WDR89: variants seen among roughly 807,000 people sequenced by gnomAD.
WDR89 encodes WD repeat-containing protein 89.
Under a neutral mutation model 29.1 loss-of-function variants are expected in WDR89, and 17 were observed. The ratio of observed to expected loss-of-function variants is 0.58; its 90% CI spans 0.40 to 0.88. The LOEUF is 0.88. WDR89 is among the 40% of genes least tolerant of loss of function. The pLI is 0.00. For synonymous variants in WDR89, 138 were observed against 157.8 expected, an observed-to-expected ratio of 0.87 and a Z score of 0.94; for missense variants, 396 against 456.3, an observed-to-expected ratio of 0.87 and a Z score of 1.20.
chr14:63,600,355 G>A (rs967830036), intron 2 of WDR89, among the ~76,000 whole-genome samples: 2 of 152,074 alleles, frequency 1.3e-5, no homozygotes, highest in African/African-American at 4.8e-5. Context: ...AATTAGCAGG[G>A]CATGGTGGCC....
chr14:63,639,807 A>C (rs1358056781), intron 1 of WDR89, among the ~76,000 whole-genome samples: 2 of 152,202 alleles, frequency 1.3e-5, no homozygotes, highest in African/African-American at 2.4e-5. Flanking sequence ...TCATGACTTT[A>C]GTACAAAAGT....
intron 2 of WDR89, among the ~76,000 whole-genome samples, chr14:63,624,511 TA>T (rs34839242): frequency 0.14 from 19,752 of 136,682 alleles, 3,267 homozygotes; most frequent in African/African-American, 0.42. Context: ...AAGAAATATT[TA>T]AAAAAAAAAA....
At chr14:63,601,509 A>G in intron 2 of WDR89, 1 of 1,438,984 alleles carries the variant, frequency 6.9e-7, no homozygotes, top group South Asian at 1.1e-5. Context: ...GGAGGGAGTC[A>G]TGGCAGGACA....
chr14:63,601,166 C>T (rs1444667992), intron 2 of WDR89, among the ~76,000 whole-genome samples: 2 of 152,034 alleles, frequency 1.3e-5, no homozygotes, highest in African/African-American at 4.8e-5. Context: ...TTCAGACCTC[C>T]AGAACCGTTA....
At chr14:63,620,105 T>C (rs1034748175) in intron 2 of WDR89, among the ~76,000 whole-genome samples, 7 of 151,650 alleles carry the variant, frequency 4.6e-5, no homozygotes, top group African/African-American at 1.5e-4. Context: ...AGCTAAGATA[T>C]AGAATCAATC....
intron 1 of WDR89, among the ~76,000 whole-genome samples, chr14:63,634,319 C>T (rs1013931060): frequency 3.3e-5 from 5 of 152,086 alleles, no homozygotes; most frequent in Non-Finnish European, 4.4e-5. Flanking sequence ...GTCAGGAGCT[C>T]GTTACCAGCC....
chr14:63,613,280 C>A (rs1190996982), intron 2 of WDR89, among the ~76,000 whole-genome samples: 5 of 152,132 alleles, frequency 3.3e-5, no homozygotes, highest in Admixed American at 2.6e-4. Flanking sequence ...TCCAAATCTG[C>A]TTGCAGAGGT....
intron 2 of WDR89, among the ~76,000 whole-genome samples, chr14:63,613,537 T>C (rs1389273627): frequency 1.3e-5 from 2 of 150,010 alleles, no homozygotes; most frequent in African/African-American, 4.9e-5. Flanking sequence ...AGAGTCTCAC[T>C]CCGTTGCCCA....
intron 1 of WDR89, among the ~76,000 whole-genome samples, chr14:63,638,022 T>C (rs990300336): frequency 6.6e-6 from 1 of 152,076 alleles, no homozygotes; most frequent in African/African-American, 2.4e-5. Flanking sequence ...CTTGGCTCAC[T>C]GCAACCTCCG....
At chr14:63,631,598 T>C (rs1883409172) in intron 1 of WDR89, among the ~76,000 whole-genome samples, 2 of 152,084 alleles carry the variant, frequency 1.3e-5, no homozygotes, top group Admixed American at 1.3e-4. Flanking sequence ...CTCAGGCTGT[T>C]CCTGAACTCC....
chr14:63,635,490 A>G (rs1050986180), intron 1 of WDR89, among the ~76,000 whole-genome samples: 1 of 152,204 alleles, frequency 6.6e-6, no homozygotes, highest in Admixed American at 6.5e-5. Context: ...AATGTAATAA[A>G]AACCATCTAT....
At chr14:63,605,679 C>T (rs368888300) in intron 2 of WDR89, among the ~76,000 whole-genome samples, 4 of 152,034 alleles carry the variant, frequency 2.6e-5, no homozygotes, top group East Asian at 1.9e-4. Flanking sequence ...AGGCTGATCT[C>T]GAACTCCTGA....
chr14:63,635,307 T>C (rs1883657859), intron 1 of WDR89, among the ~76,000 whole-genome samples: 1 of 152,168 alleles, frequency 6.6e-6, no homozygotes, highest in South Asian at 2.1e-4. Flanking sequence ...ATACCAGGAA[T>C]GCAGGGATGG....
intron 1 of WDR89, among the ~76,000 whole-genome samples, chr14:63,637,803 G>A (rs951110902): frequency 2.0e-5 from 3 of 152,020 alleles, no homozygotes; most frequent in Non-Finnish European, 4.4e-5. Context: ...GGACTTGGCC[G>A]GGGGAGGGGG....
At chr14:63,602,389 TGAGGTA>T in intron 2 of WDR89, among the ~76,000 whole-genome samples, 1 of 144,516 alleles carries the variant, frequency 6.9e-6, no homozygotes, top group Admixed American at 7.3e-5. Context: ...GAGAACTGCT[TGAGGTA>T]GAGGTTGCAA....
At chr14:63,602,474 A>AAAAT (rs1895115148) in intron 2 of WDR89, among the ~76,000 whole-genome samples, 1 of 150,544 alleles carries the variant, frequency 6.6e-6, no homozygotes. Context: ...AAAAAAAAAA[A>AAAAT]AAAAAAAAAA....
chr14:63,599,312 T>C lies in WDR89; in HGVS notation c.631A>G (p.Thr211Ala). 1 of 1,614,064 alleles carries C rather than the reference T, an allele frequency of 6.2e-7. No individual in the cohort carries two copies. Among genetic ancestry groups the C allele is most frequent in the Non-Finnish European group, 8.5e-7 (1 of 1,180,032 alleles). ...NIDNEEDALV[T>A]TCNSISSVSC... ...ACTGATGAAATTGAGTTACAGGTTG[T>C]AACCAGTGCATCCTCCTCATTATCA... is the stretch of plus-strand genomic sequence containing the variant. Residue 211 changes from threonine to alanine, a missense_variant, in exon 3 of 3, where the codon ACA (threonine) becomes GCA (alanine). By Grantham distance (58) the Thr-to-Ala change is moderately conservative. Transcript: ENST00000620954.
intron 2 of WDR89, among the ~76,000 whole-genome samples, chr14:63,614,334 G>A (rs1231464263): frequency 6.7e-6 from 1 of 150,216 alleles, no homozygotes; most frequent in East Asian, 1.9e-4. Flanking sequence ...TTGAGACAGG[G>A]TCTCACTCTG....
chr14:63,635,259 A>C (rs935411491), intron 1 of WDR89, among the ~76,000 whole-genome samples: 1 of 152,126 alleles, frequency 6.6e-6, no homozygotes, highest in African/African-American at 2.4e-5. Context: ...ATCCAACAAC[A>C]TATCAAGAAG....
Sources: gnomAD v4.1 joint callset for allele counts (sites outside exome capture counted in the v4.1 genomes callset) on GRCh38, gnomAD v4.1.1 for gene constraint, MANE v1.5 for transcripts, NCBI Gene and HGNC (gene_info 2026-07-23, HGNC 2026-07-21) for gene names.